Variants in PCDHGA5 observed in about 807,000 individuals in gnomAD.
PCDHGA5 encodes the protein protocadherin gamma-A5.
Under a neutral mutation model 56.7 loss-of-function variants are expected in PCDHGA5, and 36 were observed. The observed-to-expected ratio is 0.64, with a 90% CI of 0.49 to 0.84. The LOEUF is 0.84. PCDHGA5 is among the 40% of genes least tolerant of loss of function. PCDHGA5 has a pLI of 0.00. For synonymous variants in PCDHGA5, 563 were observed against 520.2 expected, an observed-to-expected ratio of 1.08 and a Z score of -1.12; for missense variants, 1,305 against 1,201.5, an observed-to-expected ratio of 1.09 and a Z score of -1.27.
At chr5:141,446,942 G>C (rs1252429052) in intron 1 of PCDHGA5, among the ~76,000 whole-genome samples, 1 of 152,058 alleles carries the variant, frequency 6.6e-6, no homozygotes, top group Non-Finnish European at 1.5e-5. Flanking sequence ...TTCACTGTAA[G>C]AAACATCCAG....
intron 1 of PCDHGA5, chr5:141,407,996 T>G: frequency 1.1e-6 from 1 of 872,310 alleles, no homozygotes; most frequent in Middle Eastern, 3.6e-4. Flanking sequence ...GCCTCTGGCC[T>G]GGGATTCCCT....
At position 141,422,383 on chromosome 5, in the gene PCDHGA5, T is replaced by C. The variant is rs201301291; in HGVS notation, c.2421+55632T>C. On this transcript the variant is annotated intron_variant, in intron 1 of 3. Transcript: ENST00000518069. ...TGGAGAAAATGGTCAAGTCTCCTGT[T>C]TTATTCCTAACCACCTGCCTTTTAA... 554 of 1,586,008 alleles carry C rather than the reference T, an allele frequency of 3.5e-4. 2 individuals are homozygous for C. The African/African-American group carries it at 6.9e-3, about 20-fold the overall frequency.
intron 1 of PCDHGA5, among the ~76,000 whole-genome samples, chr5:141,464,983 C>G (rs1294132264): frequency 6.6e-6 from 1 of 152,050 alleles, no homozygotes; most frequent in African/African-American, 2.4e-5. Flanking sequence ...TTCAAGTGAT[C>G]CTCCCACCTC....
intron 1 of PCDHGA5, among the ~76,000 whole-genome samples, chr5:141,482,899 T>C (rs1238389686): frequency 1.3e-5 from 2 of 152,076 alleles, no homozygotes; most frequent in Non-Finnish European, 2.9e-5. Context: ...TGGTGAAACC[T>C]CATCTCTATT....
chr5:141,405,165 C>T (rs745998723), intron 1 of PCDHGA5: 1 of 1,614,096 alleles, frequency 6.2e-7, no homozygotes, highest in Admixed American at 1.7e-5. Flanking sequence ...GTGCCCACCT[C>T]ACACTTTGTG....
intron 1 of PCDHGA5, chr5:141,441,678 G>A (rs952726158): frequency 3.4e-6 from 1 of 292,424 alleles, no homozygotes; most frequent in Non-Finnish European, 6.7e-6. Flanking sequence ...GTGCGCCTTC[G>A]ACCAAGAGCA....
At chr5:141,418,769 C>A (rs1488222030) in intron 1 of PCDHGA5, 2 of 1,613,828 alleles carry the variant, frequency 1.2e-6, no homozygotes, top group East Asian at 4.5e-5. Flanking sequence ...CATTCTAACT[C>A]AGCAGCCTTT....
chr5:141,364,463 GT>G lies in PCDHGA5; in HGVS notation c.134del (p.Val45AlafsTer4), dbSNP rs754642507. On this transcript the variant is annotated frameshift_variant, in exon 1 of 4. Coordinates refer to ENST00000518069, the MANE Select transcript of PCDHGA5 (RefSeq NM_018918.3). LOFTEE classifies it high-confidence loss of function. ...MPEELDKGSFVGNIAKDLGLE... is the reference protein window; with the variant it reads ...MPEELDKGSFXGNIAKDLGLE... ...GGAGGAGCTGGACAAAGGCTCCTTC[GT>G]CGGCAACATAGCCAAGGACCTTGGG... The G allele has an allele frequency of 5.6e-6, 9 of 1,614,000 alleles. No homozygotes were observed. The highest frequency in any genetic ancestry group is 1.7e-5 in the Admixed American group (1 of 60,032).
intron 1 of PCDHGA5, chr5:141,417,855 G>A: frequency 6.5e-7 from 1 of 1,544,918 alleles, no homozygotes. Context: ...GAACCCGAGC[G>A]AACGATGGGA....
intron 1 of PCDHGA5, chr5:141,417,979 G>C (rs2096202372): frequency 6.2e-7 from 1 of 1,613,752 alleles, no homozygotes; most frequent in Admixed American, 1.7e-5. Context: ...TTCCGGAGGA[G>C]CTGGCCAAGG....
Position 141,485,738 on chromosome 5 carries a change from A to G in PCDHGA5, c.2422-9069A>G, listed in dbSNP as rs1443978038. Reference sequence around the variant, plus strand: ...GGATGTGAAGAAGCGCAGCGACGGCAGCCTGGTCCCAGAGCTGCTCCTGGA... The same window carrying G: ...GGATGTGAAGAAGCGCAGCGACGGCGGCCTGGTCCCAGAGCTGCTCCTGGA... On this transcript the variant is annotated intron_variant, in intron 1 of 3. Transcript: ENST00000518069. This position sits in a 1 kb window ranked among gnomAD's most constrained non-coding sequence, Gnocchi z 5.7. 1 of 1,614,230 alleles carries G rather than the reference A, an allele frequency of 6.2e-7. No individual in the cohort carries two copies.
intron 1 of PCDHGA5, chr5:141,421,105 G>A: frequency 1.4e-6 from 1 of 700,910 alleles, no homozygotes; most frequent in Non-Finnish European, 2.3e-6. Context: ...TGGAGACTTA[G>A]AAGTATTTTC....
intron 1 of PCDHGA5, chr5:141,389,046 G>A: frequency 1.9e-6 from 3 of 1,613,888 alleles, no homozygotes; most frequent in African/African-American, 1.3e-5. Context: ...GGAAGGTGAT[G>A]TTCCATTTAA....
chr5:141,458,873 C>T (rs1278498446), intron 1 of PCDHGA5, among the ~76,000 whole-genome samples: 2 of 152,148 alleles, frequency 1.3e-5, no homozygotes, highest in African/African-American at 4.8e-5. Context: ...GCTGGGACTA[C>T]AGGCATGCAC....
chr5:141,409,629 C>T (rs1379627250), intron 1 of PCDHGA5: 3 of 1,613,860 alleles, frequency 1.9e-6, no homozygotes, highest in East Asian at 4.5e-5. Flanking sequence ...CAAGTGAGCG[C>T]CTCTGACCCG....
At chr5:141,482,513 A>C (rs552094845) in intron 1 of PCDHGA5, among the ~76,000 whole-genome samples, 1 of 143,798 alleles carries the variant, frequency 7.0e-6, no homozygotes, top group East Asian at 2.1e-4. Flanking sequence ...CCCAGAGTAC[A>C]GTATGAGACA....
At chr5:141,421,238 G>A (rs920128735) in intron 1 of PCDHGA5, 1 of 1,597,540 alleles carries the variant, frequency 6.3e-7, no homozygotes, top group African/African-American at 1.3e-5. Context: ...ATGGCGAATC[G>A]GCTACAGCGC....
At position 141,405,128 on chromosome 5, in the gene PCDHGA5, C is replaced by T. The variant is rs373084923; in HGVS notation, c.2421+38377C>T. On this transcript the variant is annotated intron_variant, in intron 1 of 3. Transcript: ENST00000518069. ...GCACTGGCACTCCTCGCATCTGCTG[C>T]GGGCTACCAGTGATGGGTTGGCTGG... is the stretch of plus-strand genomic sequence containing the variant. The T allele has an allele frequency of 4.8e-5, 78 of 1,614,002 alleles. No individual in the cohort carries two copies. The highest frequency in any genetic ancestry group is 2.8e-4 in the African/African-American group (21 of 75,052).
At chr5:141,429,500 A>C (rs1050435175) in intron 1 of PCDHGA5, among the ~76,000 whole-genome samples, 1 of 152,148 alleles carries the variant, frequency 6.6e-6, no homozygotes, top group Non-Finnish European at 1.5e-5. Flanking sequence ...CAGTTGCCTG[A>C]AACTGTGCCT....
Sources: gnomAD v4.1 joint callset for allele counts (sites outside exome capture counted in the v4.1 genomes callset) on GRCh38, gnomAD v4.1.1 for gene constraint, Gnocchi (gnomAD v3.1) non-coding constraint, MANE v1.5 for transcripts, NCBI Gene and HGNC (gene_info 2026-07-23, HGNC 2026-07-21) for gene names.